PIAS1: variants seen among roughly 807,000 people sequenced by gnomAD.
PIAS1 encodes protein inhibitor of activated STAT 1, also known as E3 SUMO-protein ligase PIAS1.
Under a neutral mutation model 71.3 loss-of-function variants are expected in PIAS1, and 6 were observed. That is an observed-to-expected ratio of 0.08 (90% CI 0.05 to 0.17). PIAS1 has a LOEUF of 0.17. Among genes scored for constraint, PIAS1 ranks in the 10% least tolerant of loss-of-function variants. The pLI, the probability that PIAS1 is intolerant of heterozygous loss-of-function variation, is 1.00. For synonymous variants in PIAS1, 303 were observed against 292.9 expected (o/e 1.03, Z -0.35); for missense variants, 555 against 793.6 (o/e 0.70, Z 3.61).
In PIAS1 at chr15:68,059,405, T is replaced by C. The variant is rs116918982; in HGVS notation, c.24+5055T>C. ...TAAATATATTGATATGACAGATCTT[T>C]TTTGTGCTTTAGAAAGCAATGCAGG... On this transcript the variant is annotated intron_variant, in intron 1 of 13. Coordinates refer to ENST00000249636, the MANE Select transcript of PIAS1 (RefSeq NM_016166.3). Among the ~76,000 whole-genome samples, 927 of 152,198 alleles carry C rather than the reference T, an allele frequency of 6.1e-3. 4 individuals carry two copies. Among genetic ancestry groups the C allele is most frequent in the East Asian group, 0.032 (165 of 5,174 alleles).
chr15:68,099,001 C>T (rs1036058182), intron 2 of PIAS1, among the ~76,000 whole-genome samples: 1 of 152,060 alleles, frequency 6.6e-6, no homozygotes, highest in Non-Finnish European at 1.5e-5. Flanking sequence ...CTGTAAGAGA[C>T]TGTTTTTTCC....
intron 2 of PIAS1, among the ~76,000 whole-genome samples, chr15:68,138,950 A>G (rs1174266134): frequency 1.3e-5 from 2 of 152,200 alleles, no homozygotes; most frequent in Non-Finnish European, 2.9e-5. Context: ...GGATGGTGAG[A>G]TTAGTTCAGT....
At chr15:68,153,210 T>C (rs1321253708) in intron 6 of PIAS1, among the ~76,000 whole-genome samples, 1 of 152,210 alleles carries the variant, frequency 6.6e-6, no homozygotes, top group Non-Finnish European at 1.5e-5. Flanking sequence ...TCTTATTGTC[T>C]TTGGCTTATA....
At position 68,189,846 on chromosome 15, in the gene PIAS1, A is replaced by G. The variant is rs2093110838; in HGVS notation, c.*2011A>G. 6.6e-6 allele frequency: 1 copy of G among 152,218 alleles called. No individual in the cohort carries two copies. The highest frequency in any genetic ancestry group is 1.5e-5 in the Non-Finnish European group (1 of 68,020). The allele number at this position is 152,218 out of a possible 1,614,324, so 9.4% of individuals were successfully genotyped here. A position where few individuals can be genotyped will look rare whatever the true frequency, so the allele number is the denominator to read the frequency against. ...ATGAATCTGGCATTATAGTGAGCAA[A>G]TGTCGTATTAATTTAGGCTAATTTC... On this transcript the variant is annotated 3_prime_UTR_variant, in exon 14 of 14. Coordinates refer to ENST00000249636, the MANE Select transcript of PIAS1 (RefSeq NM_016166.3).
intron 2 of PIAS1, among the ~76,000 whole-genome samples, chr15:68,111,371 A>G (rs2092521981): frequency 6.6e-6 from 1 of 152,204 alleles, no homozygotes; most frequent in South Asian, 2.1e-4. Context: ...GGAATTCTGA[A>G]AAGAGAGTAT....
In PIAS1 at chr15:68,192,072, CATTT is replaced by C. The variant is rs1430976115; in HGVS notation, c.*4241_*4244del. On this transcript the variant is annotated 3_prime_UTR_variant, in exon 14 of 14. Transcript: ENST00000249636. ...GAAAAGCTTTGACGGAAAGTACCCT[CATTT>C]ATTATATCCAGAACTTGCTCTTCCT... 6.6e-6 allele frequency: 1 copy of C among 152,240 alleles called. No individual in the cohort carries two copies. The highest frequency in any genetic ancestry group is 1.5e-5 in the Non-Finnish European group (1 of 68,050). 9.4% of individuals were successfully genotyped at this position (152,240 alleles called of 1,614,324 possible).
At chr15:68,165,838 A>T (rs1394708308) in intron 8 of PIAS1, among the ~76,000 whole-genome samples, 1 of 152,136 alleles carries the variant, frequency 6.6e-6, no homozygotes, top group Non-Finnish European at 1.5e-5. Context: ...CAAACTAATC[A>T]TATTTTAAAT....
intron 2 of PIAS1, among the ~76,000 whole-genome samples, chr15:68,112,738 C>T (rs546147815): frequency 6.6e-6 from 1 of 152,246 alleles, no homozygotes; most frequent in South Asian, 2.1e-4. Context: ...TCTCATATAC[C>T]ATTTGGTTAT....
chr15:68,071,013 CTTT>C (rs1173078450), intron 1 of PIAS1, among the ~76,000 whole-genome samples: 1 of 152,060 alleles, frequency 6.6e-6, no homozygotes, highest in Non-Finnish European at 1.5e-5. Flanking sequence ...TTGAACAGCA[CTTT>C]TCTAGAGATA....
Position 68,098,788 on chromosome 15 carries a change from G to A in PIAS1, c.469+12038G>A, listed in dbSNP as rs1260648559. 2.0e-5 allele frequency among the ~76,000 whole-genome samples: 3 copies of A among 151,928 alleles called. No homozygotes were observed. The East Asian group carries it at 5.8e-4, about 29-fold the overall frequency. ...CTGTGTTATTAAATATTCCCCTGTT[G>A]GTCAACATTTGGGTAGTTTCTTGCT... is the stretch of plus-strand genomic sequence containing the variant. On this transcript the variant is annotated intron_variant, in intron 2 of 13. Coordinates refer to ENST00000249636, the MANE Select transcript of PIAS1 (RefSeq NM_016166.3).
intron 1 of PIAS1, among the ~76,000 whole-genome samples, chr15:68,074,753 GA>G (rs1435508418): frequency 6.6e-6 from 1 of 150,642 alleles, no homozygotes; most frequent in African/African-American, 2.4e-5. Flanking sequence ...TTTTCTTTTT[GA>G]CAGAGTAAGT....
chr15:68,055,142 C>T (rs1011267276), intron 1 of PIAS1: 32 of 952,892 alleles, frequency 3.4e-5, no homozygotes, highest in Admixed American at 1.2e-4. Flanking sequence ...CTACCTCTCT[C>T]CCTTCTTTTG....
intron 2 of PIAS1, among the ~76,000 whole-genome samples, chr15:68,119,235 A>AC (rs1231888859): frequency 9.6e-6 from 1 of 104,306 alleles, no homozygotes; most frequent in Admixed American, 9.6e-5. Flanking sequence ...CCCCATCTCT[A>AC]CCAAAAAAAA....
At chr15:68,177,001 C>T (rs1293617464) in intron 11 of PIAS1, among the ~76,000 whole-genome samples, 3 of 152,068 alleles carry the variant, frequency 2.0e-5, no homozygotes, top group Non-Finnish European at 4.4e-5. Context: ...CTTTCTAGGC[C>T]AGGCGTCATG....
chr15:68,190,533 A>T lies in PIAS1; in HGVS notation c.*2698A>T, dbSNP rs1001511901. On this transcript the variant is annotated 3_prime_UTR_variant, in exon 14 of 14. Transcript: ENST00000249636. The surrounding 1 kb of genome is among the most constrained non-coding windows in gnomAD (Gnocchi z 4.7). The stretch of plus-strand genomic sequence containing the variant: ...CAACCCATCCCAACATTGACATGCT[A>T]TCTGTGGACAAATAGCAGTTCTCAG... 6.6e-6 allele frequency: 1 copy of T among 152,170 alleles called. No individual in the cohort carries two copies. The highest frequency in any genetic ancestry group is 1.9e-4 in the East Asian group (1 of 5,198). The allele number at this position is 152,170 out of a possible 1,614,324, so 9.4% of individuals were successfully genotyped here.
rs1567086391 is a variant in PIAS1, at chr15:68,190,939, T to C, written c.*3104T>C. The C allele has an allele frequency of 6.6e-6, 1 of 152,212 alleles. No homozygotes were observed. Among genetic ancestry groups the C allele is most frequent in the East Asian group, 1.9e-4 (1 of 5,202 alleles). 9.4% of individuals were successfully genotyped at this position (152,212 alleles called of 1,614,324 possible). On this transcript the variant is annotated 3_prime_UTR_variant, in exon 14 of 14. Transcript: ENST00000249636. The surrounding 1 kb of genome is among the most constrained non-coding windows in gnomAD (Gnocchi z 4.7). Reference sequence around the variant, plus strand: ...TTTCCTTTGAGTCAAGTGTCTGAAATGGAGTGAAAATATATCCTAACTAAA... The same window carrying C: ...TTTCCTTTGAGTCAAGTGTCTGAAACGGAGTGAAAATATATCCTAACTAAA...
intron 2 of PIAS1, among the ~76,000 whole-genome samples, chr15:68,110,688 G>A (rs1225756817): frequency 6.6e-6 from 1 of 151,952 alleles, no homozygotes; most frequent in African/African-American, 2.4e-5. Flanking sequence ...CTTGAGCCTG[G>A]GGAGATCAAG....
At chr15:68,109,558 G>A (rs181520506) in intron 2 of PIAS1, among the ~76,000 whole-genome samples, 1 of 152,288 alleles carries the variant, frequency 6.6e-6, no homozygotes, top group Non-Finnish European at 1.5e-5. Context: ...TCAAGACCAT[G>A]TTTAGGCATT....
chr15:68,122,199 A>G (rs1394622309), intron 2 of PIAS1, among the ~76,000 whole-genome samples: 2 of 152,168 alleles, frequency 1.3e-5, no homozygotes, highest in African/African-American at 4.8e-5. Flanking sequence ...GCTAGAAAAC[A>G]GTATTCTCAG....
Sources: gnomAD v4.1 joint callset for allele counts (sites outside exome capture counted in the v4.1 genomes callset) on GRCh38, gnomAD v4.1.1 for gene constraint, Gnocchi (gnomAD v3.1) non-coding constraint, MANE v1.5 for transcripts, NCBI Gene and HGNC (gene_info 2026-07-23, HGNC 2026-07-21) for gene names.